The following PASD1 variants were observed in gnomAD, a reference collection of about 807,000 sequenced individuals.
PASD1 encodes the protein PAS domain containing repressor 1.
A neutral mutation model predicts 58.8 loss-of-function variants in PASD1; 13 were observed. That is an observed-to-expected ratio of 0.22 (90% CI 0.14 to 0.35). The LOEUF (loss-of-function observed/expected upper bound fraction) is 0.35, where lower values mean the gene tolerates loss of function less well. Ranked by LOEUF, PASD1 falls within the 10% of genes least tolerant of loss-of-function variation. The pLI, the probability that PASD1 is intolerant of heterozygous loss-of-function variation, is 1.00. For synonymous variants in PASD1, 236 were observed against 216.7 expected, an observed-to-expected ratio of 1.09 and a Z score of -0.78; for missense variants, 734 against 568.3, an observed-to-expected ratio of 1.29 and a Z score of -2.96.
intron 10 of PASD1, among the ~76,000 whole-genome samples, chrX:151,663,262 G>T (rs1165216609): frequency 9.0e-6 from 1 of 111,722 alleles, no homozygotes; most frequent in Admixed American, 9.5e-5. Flanking sequence ...ACCTCTGAAG[G>T]TTTCCCTTTT....
At chrX:151,621,950 TGTG>T (rs2013717443) in intron 6 of PASD1, among the ~76,000 whole-genome samples, 1 of 109,931 alleles carries the variant, frequency 9.1e-6, no homozygotes, top group African/African-American at 3.3e-5. Context: ...CAGCTGATTT[TGTG>T]GTGGCCTCGG....
At position 151,637,564 on chromosome X, in the gene PASD1, G is replaced by A. The variant is rs771067465; in HGVS notation, c.630-11051G>A. Among the ~76,000 whole-genome samples the A allele has an allele frequency of 4.5e-5, 5 of 110,705 alleles. No homozygotes were observed. In the East Asian group the frequency reaches 1.4e-3, roughly 32 times the overall value. ...CTAATTTTTGTATTTTTGGTAGAGG[G>A]GAGGTTTCACCATGTTGGTCTCAAC... On this transcript the variant is annotated intron_variant, in intron 8 of 15. Transcript: ENST00000370357.
Position 151,673,943 on chromosome X carries a change from G to T in PASD1, c.1932G>T (p.Ala644=). Residue 644 remains alanine, a synonymous_variant, in exon 15 of 16, where the codon GCG becomes GCT. Transcript: ENST00000370357. ...EDESQSFYPE[A]YQGPPVNQLP... is the part of the protein sequence containing the mutation. ...TCTCTTACAGTTTTTATCCTGAGGC[G>T]TATCAAGGGCCCCCCGTGAACCAGC... is the stretch of plus-strand genomic sequence containing the variant. 8.3e-7 allele frequency: 1 copy of T among 1,211,142 alleles called. No individual in the cohort carries two copies. The highest frequency in any genetic ancestry group is 1.1e-6 in the Non-Finnish European group (1 of 895,012).
intron 1 of PASD1, among the ~76,000 whole-genome samples, chrX:151,598,791 G>A (rs1050034247): frequency 1.8e-5 from 2 of 111,153 alleles, no homozygotes; most frequent in South Asian, 7.7e-4. Flanking sequence ...GGGTATGTGT[G>A]TCCCTTATTT....
intron 4 of PASD1, among the ~76,000 whole-genome samples, chrX:151,612,972 A>G (rs372082334): frequency 2.7e-5 from 3 of 111,337 alleles, no homozygotes; most frequent in Admixed American, 1.9e-4. Flanking sequence ...AAGTCTTTAA[A>G]CCATCTTGAA....
chrX:151,627,558 T>C (rs926636505), intron 8 of PASD1, among the ~76,000 whole-genome samples: 6 of 112,054 alleles, frequency 5.4e-5, no homozygotes, highest in African/African-American at 1.9e-4. Context: ...GGCTGCATGG[T>C]ATTCCATGGT....
intron 1 of PASD1, among the ~76,000 whole-genome samples, chrX:151,586,522 C>G (rs928124182): frequency 9.0e-6 from 1 of 111,539 alleles, no homozygotes; most frequent in East Asian, 2.8e-4. Context: ...CAGCACCTAT[C>G]GAACAGGGCT....
chrX:151,657,780 A>G (rs1388155699), intron 9 of PASD1, among the ~76,000 whole-genome samples: 2 of 107,601 alleles, frequency 1.9e-5, no homozygotes, highest in Non-Finnish European at 3.8e-5. Flanking sequence ...CTAGCGGTCT[A>G]TCAATTTTGT....
intron 1 of PASD1, among the ~76,000 whole-genome samples, chrX:151,591,284 C>T (rs2013242909): frequency 8.9e-6 from 1 of 111,794 alleles, no homozygotes; most frequent in Admixed American, 9.5e-5. Flanking sequence ...AGTGTGTCTT[C>T]TTGTAAACTA....
At chrX:151,587,296 A>G (rs1395668939) in intron 1 of PASD1, among the ~76,000 whole-genome samples, 1 of 100,128 alleles carries the variant, frequency 1.0e-5, no homozygotes, top group Non-Finnish European at 2.0e-5. Context: ...GGAGGTGTTC[A>G]GCAAACTTTG....
chrX:151,609,617 A>C (rs1358560107), intron 3 of PASD1, among the ~76,000 whole-genome samples: 1 of 111,800 alleles, frequency 8.9e-6, no homozygotes, highest in Admixed American at 9.5e-5. Flanking sequence ...TGTTTCATCC[A>C]TGTTGTAGTA....
At chrX:151,674,217 G>A (rs772836200) in intron 15 of PASD1, 31 bp downstream of exon 15, 1 of 1,206,944 alleles carries the variant, frequency 8.3e-7, no homozygotes, top group Admixed American at 2.2e-5. Flanking sequence ...TTTCCTTCCA[G>A]CGCAGGTCAA....
At chrX:151,591,463 TG>T (rs2013247132) in intron 1 of PASD1, among the ~76,000 whole-genome samples, 1 of 112,052 alleles carries the variant, frequency 8.9e-6, no homozygotes, top group African/African-American at 3.2e-5. Context: ...TAATACAATT[TG>T]ATGGGATTTT....
chrX:151,630,151 G>A (rs766003946), intron 8 of PASD1, among the ~76,000 whole-genome samples: 2 of 112,085 alleles, frequency 1.8e-5, no homozygotes, highest in South Asian at 7.5e-4. Context: ...TAGGGAAAAA[G>A]CGGATGCATT....
intron 1 of PASD1, among the ~76,000 whole-genome samples, chrX:151,600,650 G>A (rs377555857): frequency 9.1e-6 from 1 of 109,355 alleles, no homozygotes; most frequent in Non-Finnish European, 1.9e-5. Flanking sequence ...ATTCCACTTC[G>A]CTGTTTGGGT....
intron 1 of PASD1, among the ~76,000 whole-genome samples, chrX:151,583,575 A>T (rs1569399358): frequency 1.8e-5 from 2 of 112,119 alleles, no homozygotes; most frequent in Non-Finnish European, 3.8e-5. Context: ...ATAATTAATT[A>T]AAAAACTGGC....
At chrX:151,578,065 T>C (rs1215383053) in intron 1 of PASD1, among the ~76,000 whole-genome samples, 1 of 111,795 alleles carries the variant, frequency 8.9e-6, no homozygotes, top group Non-Finnish European at 1.9e-5. Context: ...TTGTCATGTA[T>C]AAGCCAAAAT....
chrX:151,636,100 G>T (rs2013927564), intron 8 of PASD1, among the ~76,000 whole-genome samples: 1 of 110,289 alleles, frequency 9.1e-6, no homozygotes, highest in Non-Finnish European at 1.9e-5. Flanking sequence ...CCACCTAGAG[G>T]CAACTGCTAT....
chrX:151,662,670 C>G (rs997449480), intron 10 of PASD1, among the ~76,000 whole-genome samples: 4 of 112,045 alleles, frequency 3.6e-5, no homozygotes, highest in African/African-American at 1.3e-4. Context: ...AGTTCCTACT[C>G]CAGCCCAGTA....
Sources: allele counts gnomAD v4.1 joint callset (sites outside exome capture counted in the v4.1 genomes callset), GRCh38; gene constraint gnomAD v4.1.1; transcripts MANE v1.5; gene names NCBI Gene and HGNC (gene_info 2026-07-23, HGNC 2026-07-21).